SLC25A26: variants seen among roughly 807,000 people sequenced by gnomAD.
The protein encoded by SLC25A26 is solute carrier family 25 member 26.
SLC25A26 carries 36 observed loss-of-function variants against 37.8 expected under a neutral mutation model. That is an observed-to-expected ratio of 0.95 (90% confidence interval 0.73 to 1.26). The LOEUF (loss-of-function observed/expected upper bound fraction) is 1.26. Ranked by LOEUF, SLC25A26 falls within the 50% of genes most tolerant of loss-of-function variation. The pLI is 0.00. For missense variants in SLC25A26, 390 were observed against 331.1 expected, an observed-to-expected ratio of 1.18 and a Z score of -1.38; for synonymous variants, 129 against 122.5, an observed-to-expected ratio of 1.05 and a Z score of -0.35.
At chr3:66,349,496 T>C (rs2076401764) in intron 6 of SLC25A26, among the ~76,000 whole-genome samples, 1 of 151,878 alleles carries the variant, frequency 6.6e-6, no homozygotes, top group South Asian at 2.1e-4. Context: ...TTTTACTTAA[T>C]GTAATATTTT....
At position 66,260,569 on chromosome 3, in the gene SLC25A26, C is replaced by T. The variant is rs9861837; in HGVS notation, c.301-1482C>T. Among the ~76,000 whole-genome samples, 1,039 of 152,228 alleles carry T rather than the reference C, an allele frequency of 6.8e-3. 14 individuals carry two copies. Among genetic ancestry groups the T allele is most frequent in the African/African-American group, 0.024 (984 of 41,528 alleles). ...GGTATGAAGCATTGTTACTTCTTAG[C>T]TTTAGAGGCAATATGCCCGTGTTAG... On this transcript the variant is annotated intron_variant, in intron 3 of 9. Coordinates refer to ENST00000354883, the MANE Select transcript of SLC25A26 (RefSeq NM_001379210.1).
At chr3:66,227,259 C>T (rs2071800954) in intron 1 of SLC25A26, among the ~76,000 whole-genome samples, 1 of 152,182 alleles carries the variant, frequency 6.6e-6, no homozygotes, top group Admixed American at 6.5e-5. Context: ...TTAATGACAG[C>T]AGTGTGAATA....
intron 3 of SLC25A26, 37 bp from the exon 4 acceptor site, chr3:66,262,014 A>G (rs770258322): frequency 1.6e-6 from 2 of 1,275,096 alleles, no homozygotes; most frequent in Non-Finnish European, 2.2e-6. Context: ...TATAGCAGTT[A>G]TTTACTTTTT....
chr3:66,138,254 C>T lies in SLC25A26; in HGVS notation c.-354+4270C>T, dbSNP rs28483946. 1.8e-3 allele frequency among the ~76,000 whole-genome samples: 274 copies of T among 152,146 alleles called. 2 individuals carry two copies. Among genetic ancestry groups the T allele is most frequent in the African/African-American group, 6.1e-3 (252 of 41,478 alleles). On this transcript the variant is annotated intron_variant, in intron 1 of 10. Transcript: ENST00000676754. ...GGTGATCAAAGCTGTTCAATGTATACATCGTATACAATGTATACATCTGAA... is the reference window on the plus strand; with the variant it reads ...GGTGATCAAAGCTGTTCAATGTATATATCGTATACAATGTATACATCTGAA...
chr3:66,293,792 C>T (rs745952072), intron 5 of SLC25A26, among the ~76,000 whole-genome samples: 6 of 151,748 alleles, frequency 4.0e-5, no homozygotes, highest in South Asian at 2.1e-4. Flanking sequence ...TGTTTTATTA[C>T]GGGCATTTAG....
At chr3:66,236,248 T>C (rs1176001625) in intron 1 of SLC25A26, among the ~76,000 whole-genome samples, 1 of 141,826 alleles carries the variant, frequency 7.1e-6, no homozygotes, top group African/African-American at 2.6e-5. Flanking sequence ...TTTTGAACCA[T>C]GTGAGTACTA....
Position 66,378,913 on chromosome 3 carries a change from T to C in SLC25A26, c.*1106T>C, listed in dbSNP as rs1700857076. 6.6e-6 allele frequency: 1 copy of C among 152,642 alleles called. No individual in the cohort carries two copies. The highest frequency in any genetic ancestry group is 2.1e-4 in the South Asian group (1 of 4,832). The allele number at this position is 152,642 out of a possible 1,614,324, so 9.5% of individuals were successfully genotyped here. On this transcript the variant is annotated 3_prime_UTR_variant, in exon 10 of 10. Transcript: ENST00000354883. Reference sequence around the variant, plus strand: ...CAAAATTTCTATAAATAAATAACTTTGTACATAAAAGTAATACTCCCTCTT... The same window carrying C: ...CAAAATTTCTATAAATAAATAACTTCGTACATAAAAGTAATACTCCCTCTT...
At chr3:66,164,955 A>G (rs1437304292) in intron 1 of SLC25A26, among the ~76,000 whole-genome samples, 1 of 152,186 alleles carries the variant, frequency 6.6e-6, no homozygotes, top group East Asian at 1.9e-4. Flanking sequence ...GCCAGCCTTC[A>G]AGATGCCCCC....
At chr3:66,256,966 A>G (rs1208870739) in intron 3 of SLC25A26, among the ~76,000 whole-genome samples, 1 of 152,164 alleles carries the variant, frequency 6.6e-6, no homozygotes, top group Admixed American at 6.5e-5. Flanking sequence ...TTTTTTGCTG[A>G]TTCATTTCCT....
At chr3:66,189,233 T>C (rs1347686594) in intron 1 of SLC25A26, among the ~76,000 whole-genome samples, 2 of 151,976 alleles carry the variant, frequency 1.3e-5, no homozygotes, top group African/African-American at 2.4e-5. Flanking sequence ...ACCCTGACAC[T>C]GACTCTGAAA....
chr3:66,273,604 C>T (rs1474707317), intron 5 of SLC25A26, among the ~76,000 whole-genome samples: 1 of 151,952 alleles, frequency 6.6e-6, no homozygotes, highest in Non-Finnish European at 1.5e-5. Context: ...TCTTATACAC[C>T]AATAATAGAC....
chr3:66,302,072 T>G (rs2075091946), intron 5 of SLC25A26, among the ~76,000 whole-genome samples: 1 of 152,222 alleles, frequency 6.6e-6, no homozygotes, highest in Non-Finnish European at 1.5e-5. Context: ...CACTAGCAGC[T>G]CCTCTGAAAC....
At chr3:66,200,584 C>T (rs2071096399) in intron 1 of SLC25A26, among the ~76,000 whole-genome samples, 1 of 152,210 alleles carries the variant, frequency 6.6e-6, no homozygotes, top group Non-Finnish European at 1.5e-5. Context: ...TGACCATACA[C>T]ATATTAGCCA....
chr3:66,308,221 C>G (rs965251131), intron 5 of SLC25A26, among the ~76,000 whole-genome samples: 3 of 152,074 alleles, frequency 2.0e-5, no homozygotes, highest in Non-Finnish European at 2.9e-5. Context: ...CTTCACATCT[C>G]TTGTAAGTTG....
chr3:66,225,091 T>C (rs1460045532), intron 1 of SLC25A26, among the ~76,000 whole-genome samples: 1 of 152,120 alleles, frequency 6.6e-6, no homozygotes, highest in Admixed American at 6.5e-5. Flanking sequence ...TCTACCATTC[T>C]GGGGTCTGGA....
chr3:66,165,337 C>T (rs145936322), intron 1 of SLC25A26, among the ~76,000 whole-genome samples: 71 of 152,322 alleles, frequency 4.7e-4, no homozygotes, highest in African/African-American at 1.6e-3. Context: ...CTCAGCTAAG[C>T]TGCTTTTGAA....
At chr3:66,244,274 C>G (rs930215908) in intron 3 of SLC25A26, among the ~76,000 whole-genome samples, 1 of 152,190 alleles carries the variant, frequency 6.6e-6, no homozygotes. Context: ...ACAGTTCTTT[C>G]AGGAGATGTA....
At chr3:66,253,945 T>C (rs1191411111) in intron 3 of SLC25A26, among the ~76,000 whole-genome samples, 1 of 152,236 alleles carries the variant, frequency 6.6e-6, no homozygotes, top group Non-Finnish European at 1.5e-5. Context: ...GAACAAATTG[T>C]AGACACAGGG....
chr3:66,228,414 T>G (rs1553661709), intron 1 of SLC25A26, among the ~76,000 whole-genome samples: 1 of 152,240 alleles, frequency 6.6e-6, no homozygotes, highest in Non-Finnish European at 1.5e-5. Flanking sequence ...TGTTGAAAGT[T>G]GCTCTAAATA....
Sources: gnomAD v4.1 joint callset for allele counts (sites outside exome capture counted in the v4.1 genomes callset) on GRCh38, gnomAD v4.1.1 for gene constraint, MANE v1.5 for transcripts, NCBI Gene and HGNC (gene_info 2026-07-23, HGNC 2026-07-21) for gene names.